The following SEL1L3 variants were observed in gnomAD, a reference collection of about 807,000 sequenced individuals.
SEL1L3 encodes SEL1L family member 3, also known as protein sel-1 homolog 3.
Under a neutral mutation model 142.8 loss-of-function variants are expected in SEL1L3, and 76 were observed. The ratio of observed to expected loss-of-function variants is 0.53; its 90% CI spans 0.44 to 0.64. The LOEUF (loss-of-function observed/expected upper bound fraction) is 0.64. Ranked by LOEUF, SEL1L3 falls within the 30% of genes least tolerant of loss-of-function variation. The pLI is 0.00. For synonymous variants in SEL1L3, 504 were observed against 519.6 expected, an observed-to-expected ratio of 0.97 and a Z score of 0.41; for missense variants, 1,262 against 1,381.7, an observed-to-expected ratio of 0.91 and a Z score of 1.37.
chr4:25,759,358 T>C, intron 20 of SEL1L3: 1 of 314,470 alleles, frequency 3.2e-6, no homozygotes, highest in Non-Finnish European at 5.9e-6. Flanking sequence ...TAGAACTTAC[T>C]GGAAAACGTG....
the SEL1L3 span, among the ~76,000 whole-genome samples, chr4:25,738,725 C>G: frequency 6.6e-6 from 1 of 152,160 alleles, no homozygotes; most frequent in Non-Finnish European, 1.5e-5. Flanking sequence ...CATGGCACAT[C>G]ATAACCATTG....
intron 6 of SEL1L3, among the ~76,000 whole-genome samples, chr4:25,826,726 G>A (rs1312793204): frequency 6.6e-6 from 1 of 152,144 alleles, no homozygotes; most frequent in East Asian, 1.9e-4. Context: ...GTCTCGCTCT[G>A]TCGCCCCGGC....
intron 16 of SEL1L3, 63 bp from the exon 17 acceptor site, chr4:25,776,423 T>C: frequency 8.9e-7 from 1 of 1,125,684 alleles, no homozygotes; most frequent in Admixed American, 1.8e-5. Context: ...ATGTTTTTCT[T>C]CATATGCTCT....
chr4:25,798,862 G>T (rs2109212596), intron 11 of SEL1L3, among the ~76,000 whole-genome samples: 1 of 152,172 alleles, frequency 6.6e-6, no homozygotes, highest in South Asian at 2.1e-4. Flanking sequence ...AAAGACCGGG[G>T]AGGAGGGGGT....
intron 17 of SEL1L3, among the ~76,000 whole-genome samples, chr4:25,772,682 G>C (rs1351531181): frequency 2.0e-5 from 3 of 152,096 alleles, no homozygotes; most frequent in Non-Finnish European, 2.9e-5. Context: ...AGAAAAGAAA[G>C]AGAATCCAAA....
In SEL1L3 at chr4:25,852,339, T is replaced by C. The variant is rs113526074; in HGVS notation, c.163-4475A>G. Among the ~76,000 whole-genome samples the C allele has an allele frequency of 3.9e-5, 6 of 152,298 alleles. 1 individual carries two copies. Among genetic ancestry groups the C allele is most frequent in the African/African-American group, 1.2e-4 (5 of 41,572 alleles). On this transcript the variant is annotated intron_variant, in intron 1 of 23. Transcript: ENST00000399878. Reference sequence around the variant, plus strand: ...CCCACGCCATAGCAAATGATATCAATGGTGACTAATGGTCACCATTCCATG... The same window carrying C: ...CCCACGCCATAGCAAATGATATCAACGGTGACTAATGGTCACCATTCCATG...
the SEL1L3 span, among the ~76,000 whole-genome samples, chr4:25,738,256 A>T: frequency 1.3e-5 from 2 of 152,092 alleles, no homozygotes; most frequent in Non-Finnish European, 2.9e-5. Flanking sequence ...ACCCATGGGT[A>T]TGGAGGGGAT....
chr4:25,726,510 A>G, the SEL1L3 span, among the ~76,000 whole-genome samples: 3 of 146,566 alleles, frequency 2.0e-5, no homozygotes, highest in Admixed American at 2.1e-4. Context: ...CCTGGGTGAC[A>G]GAGCAAGACT....
At chr4:25,824,517 C>A (rs1714971797) in intron 6 of SEL1L3, among the ~76,000 whole-genome samples, 1 of 152,194 alleles carries the variant, frequency 6.6e-6, no homozygotes, top group Non-Finnish European at 1.5e-5. Flanking sequence ...AGGCACAGAG[C>A]AGACACCATA....
At chr4:25,763,037 G>C (rs545531834) in intron 20 of SEL1L3, among the ~76,000 whole-genome samples, 1 of 152,102 alleles carries the variant, frequency 6.6e-6, no homozygotes, top group African/African-American at 2.4e-5. Context: ...TCTGCTTGTG[G>C]GCAGGGACTG....
At chr4:25,798,719 T>G (rs780226601) in intron 11 of SEL1L3, among the ~76,000 whole-genome samples, 8 of 152,218 alleles carry the variant, frequency 5.3e-5, no homozygotes, top group Non-Finnish European at 1.2e-4. Context: ...TCCCAGCTAC[T>G]CGGGAGGCTG....
At position 25,769,808 on chromosome 4, in the gene SEL1L3, G is replaced by A. The variant is rs1056271167; in HGVS notation, c.2670-1978C>T. Among the ~76,000 whole-genome samples, 8 of 152,154 alleles carry A rather than the reference G, an allele frequency of 5.3e-5. No homozygotes were observed. The South Asian group carries it at 8.3e-4, about 16-fold the overall frequency. ...ACCGTAACTGGCTGGGATGTGGCTC[G>A]TGTTTACTAAAATGTAACAAAATGA... is the stretch of plus-strand genomic sequence containing the variant. On this transcript the variant is annotated intron_variant, in intron 17 of 23. Transcript: ENST00000399878.
At chr4:25,860,191 C>T (rs548041068) in intron 1 of SEL1L3, among the ~76,000 whole-genome samples, 85 of 152,160 alleles carry the variant, frequency 5.6e-4, no homozygotes, top group Non-Finnish European at 8.5e-4. Context: ...TGCCTATAAA[C>T]GATTTAGCAC....
the SEL1L3 span, among the ~76,000 whole-genome samples, chr4:25,729,924 T>TCTC: frequency 6.8e-6 from 1 of 148,072 alleles, no homozygotes; most frequent in Non-Finnish European, 1.5e-5. Flanking sequence ...TTCTTCTTCT[T>TCTC]CTCCTTCTTC....
At chr4:25,793,449 AT>A (rs565431909) in intron 11 of SEL1L3, among the ~76,000 whole-genome samples, 29 of 151,426 alleles carry the variant, frequency 1.9e-4, no homozygotes, top group Non-Finnish European at 3.4e-4. Flanking sequence ...AAGCCCAGCT[AT>A]TTTTTTTGTA....
intron 2 of SEL1L3, among the ~76,000 whole-genome samples, chr4:25,842,486 CTGAGCTTACCTG>C (rs1432159962): frequency 6.6e-6 from 1 of 152,186 alleles, no homozygotes; most frequent in Admixed American, 6.5e-5. Flanking sequence ...AAAGGGGAAG[CTGAGCTTACCTG>C]TGGCTGCAAA....
At chr4:25,731,893 C>T in the SEL1L3 span, among the ~76,000 whole-genome samples, 5 of 151,952 alleles carry the variant, frequency 3.3e-5, no homozygotes, top group African/African-American at 7.3e-5. Flanking sequence ...CCCAACATGA[C>T]GAAAACCCAT....
intron 1 of SEL1L3, among the ~76,000 whole-genome samples, chr4:25,861,020 G>C (rs1175466621): frequency 1.3e-5 from 2 of 152,132 alleles, no homozygotes; most frequent in Admixed American, 6.5e-5. Flanking sequence ...CTGACTTCCT[G>C]AACTGTCCAG....
chr4:25,750,975 T>G (rs1237360241), intron 23 of SEL1L3, among the ~76,000 whole-genome samples: 1 of 152,192 alleles, frequency 6.6e-6, no homozygotes, highest in Non-Finnish European at 1.5e-5. Flanking sequence ...CTCTATATGG[T>G]GTATTCTATT....
Sources: gnomAD v4.1 joint callset for allele counts (sites outside exome capture counted in the v4.1 genomes callset) on GRCh38, gnomAD v4.1.1 for gene constraint, MANE v1.5 for transcripts, NCBI Gene and HGNC (gene_info 2026-07-23, HGNC 2026-07-21) for gene names.